CACNA1C: variants seen among roughly 807,000 people sequenced by gnomAD.
CACNA1C encodes the protein calcium voltage-gated channel subunit alpha1 C, also known as voltage-dependent L-type calcium channel subunit alpha-1C.
A neutral mutation model predicts 229.0 loss-of-function variants in CACNA1C; 30 were observed. The observed-to-expected ratio is 0.13, with a 90% CI of 0.10 to 0.18. The LOEUF (loss-of-function observed/expected upper bound fraction) is 0.18. Ranked by LOEUF, CACNA1C falls within the 10% of genes least tolerant of loss-of-function variation. The probability of loss-of-function intolerance (pLI) is 1.00; values close to 1 mark genes in which losing one functional copy is unlikely to be tolerated. For missense variants in CACNA1C, 1,658 were observed against 2,845.0 expected, an observed-to-expected ratio of 0.58 and a Z score of 9.49; for synonymous variants, 1,114 against 1,132.5, an observed-to-expected ratio of 0.98 and a Z score of 0.33.
intron 2 of CACNA1C, among the ~76,000 whole-genome samples, chr12:2,116,394 C>T (rs1467424175): frequency 1.2e-4 from 17 of 143,480 alleles, no homozygotes; most frequent in South Asian, 2.2e-4. Context: ...TTTTTTGAGA[C>T]GGAGTCTCGC....
chr12:2,376,165 G>C (rs1368754964), intron 3 of CACNA1C, among the ~76,000 whole-genome samples: 1 of 152,192 alleles, frequency 6.6e-6, no homozygotes, highest in African/African-American at 2.4e-5. Flanking sequence ...TTCAGTCTCA[G>C]CCATTGCTTG....
chr12:2,309,679 T>C (rs747071970), intron 3 of CACNA1C, among the ~76,000 whole-genome samples: 1 of 152,190 alleles, frequency 6.6e-6, no homozygotes, highest in Non-Finnish European at 1.5e-5. Flanking sequence ...ACTACAAAAC[T>C]GTAAAAATAT....
chr12:2,112,966 C>T (rs150813266), intron 1 of CACNA1C, among the ~76,000 whole-genome samples: 3 of 152,308 alleles, frequency 2.0e-5, no homozygotes, highest in East Asian at 1.9e-4. Context: ...CATATTAGCT[C>T]GTTTTTCGGT....
chr12:2,177,587 C>CCCTCCTTCCTT (rs750852324), intron 3 of CACNA1C, among the ~76,000 whole-genome samples: 1 of 78,460 alleles, frequency 1.3e-5, no homozygotes, highest in African/African-American at 6.0e-5. Context: ...CTCCCTCCCT[C>CCCTCCTTCCTT]CCTTCCTTCC....
rs77955861 is a variant in CACNA1C, at chr12:2,581,464, G to A, written c.1896-126G>A. The A allele has an allele frequency of 0.064, 52,245 of 817,842 alleles. 1,861 individuals carry two copies. Among genetic ancestry groups the A allele is most frequent in the Middle Eastern group, 0.09 (373 of 4,136 alleles). The allele number at this position is 817,842 out of a possible 1,614,324, so 50.7% of individuals were successfully genotyped here. Reference sequence around the variant, plus strand: ...ACCACCACCAACACGCATCCCCCACGGGCAGGGAAAAAGAGCATAGAGTGG... The same window carrying A: ...ACCACCACCAACACGCATCCCCCACAGGCAGGGAAAAAGAGCATAGAGTGG... On this transcript the variant is annotated intron_variant, in intron 13 of 46. Coordinates refer to ENST00000399655, the MANE Select transcript of CACNA1C (RefSeq NM_000719.7).
intron 1 of CACNA1C, among the ~76,000 whole-genome samples, chr12:2,091,167 C>A (rs1482984423): frequency 6.6e-6 from 1 of 152,220 alleles, no homozygotes; most frequent in Non-Finnish European, 1.5e-5. Context: ...CATAGGGCAG[C>A]AGGGGCTTCT....
At chr12:2,618,702 G>A (rs2153487804) in intron 29 of CACNA1C, among the ~76,000 whole-genome samples, 1 of 152,372 alleles carries the variant, frequency 6.6e-6, no homozygotes, top group Non-Finnish European at 1.5e-5. Flanking sequence ...CTCTTCCATG[G>A]ACTGTTGAGA....
intron 3 of CACNA1C, among the ~76,000 whole-genome samples, chr12:2,291,203 A>G (rs900525518): frequency 2.0e-5 from 3 of 152,250 alleles, no homozygotes; most frequent in Admixed American, 6.5e-5. Flanking sequence ...CAACAAAACA[A>G]TAAAAGGTCC....
chr12:2,628,454 C>T (rs1332025158), intron 29 of CACNA1C, among the ~76,000 whole-genome samples: 1 of 152,146 alleles, frequency 6.6e-6, no homozygotes, highest in Non-Finnish European at 1.5e-5. Flanking sequence ...GCAGAAAAGA[C>T]CTGAGAGACA....
At chr12:2,331,492 A>G (rs1026916694) in intron 3 of CACNA1C, among the ~76,000 whole-genome samples, 2 of 152,250 alleles carry the variant, frequency 1.3e-5, no homozygotes, top group African/African-American at 4.8e-5. Context: ...GTGTCAAAGG[A>G]CACAGAAGTC....
intron 3 of CACNA1C, among the ~76,000 whole-genome samples, chr12:2,379,176 A>T: frequency 6.6e-6 from 1 of 152,170 alleles, no homozygotes; most frequent in Non-Finnish European, 1.5e-5. Context: ...CAGGGCAGGG[A>T]GGCACAAGCT....
intron 3 of CACNA1C, among the ~76,000 whole-genome samples, chr12:2,282,921 C>CT (rs1428240836): frequency 6.6e-6 from 1 of 152,062 alleles, no homozygotes; most frequent in Non-Finnish European, 1.5e-5. Flanking sequence ...AGCTGATTTC[C>CT]TTATGGTTGC....
At chr12:2,607,954 T>A (rs1319345656) in intron 26 of CACNA1C, 1 of 152,438 alleles carries the variant, frequency 6.6e-6, no homozygotes, top group East Asian at 1.9e-4. Context: ...CCATGAAAAA[T>A]AACAAGCTTC....
chr12:2,659,327 G>A (rs1240376977), intron 34 of CACNA1C, among the ~76,000 whole-genome samples: 3 of 152,056 alleles, frequency 2.0e-5, no homozygotes, highest in East Asian at 3.8e-4. Flanking sequence ...ACTTACCATT[G>A]TGTTCCAGTT....
At chr12:2,458,814 C>T (rs989575050) in intron 5 of CACNA1C, among the ~76,000 whole-genome samples, 1 of 152,008 alleles carries the variant, frequency 6.6e-6, no homozygotes, top group Admixed American at 6.6e-5. Context: ...TGTTCATGCA[C>T]GGAATAGTGA....
intron 3 of CACNA1C, among the ~76,000 whole-genome samples, chr12:2,210,114 A>G (rs2097873227): frequency 6.6e-6 from 1 of 152,236 alleles, no homozygotes; most frequent in African/African-American, 2.4e-5. Flanking sequence ...AAGAAAACAA[A>G]TGTATCTGTT....
At chr12:2,460,030 C>T (rs895280275) in intron 5 of CACNA1C, among the ~76,000 whole-genome samples, 4 of 152,214 alleles carry the variant, frequency 2.6e-5, no homozygotes, top group Non-Finnish European at 4.4e-5. Flanking sequence ...TTACACCTGG[C>T]TCATGGCACC....
At chr12:2,547,195 T>A (rs979930451) in intron 9 of CACNA1C, among the ~76,000 whole-genome samples, 1 of 152,212 alleles carries the variant, frequency 6.6e-6, no homozygotes, top group Admixed American at 6.5e-5. Flanking sequence ...TCTCCTGGAG[T>A]AATTCCTTCT....
intron 3 of CACNA1C, among the ~76,000 whole-genome samples, chr12:2,439,373 G>A (rs1020092392): frequency 1.1e-4 from 17 of 152,210 alleles, no homozygotes; most frequent in East Asian, 5.8e-4. Flanking sequence ...TTGGAAAAAC[G>A]TGGGCCATAA....
Sources: allele counts gnomAD v4.1 joint callset (sites outside exome capture counted in the v4.1 genomes callset), GRCh38; gene constraint gnomAD v4.1.1; transcripts MANE v1.5; gene names NCBI Gene and HGNC (gene_info 2026-07-23, HGNC 2026-07-21).